DLG2: variants seen among roughly 807,000 people sequenced by gnomAD.
The protein encoded by DLG2 is discs large MAGUK scaffold protein 2.
In DLG2, 45 loss-of-function variants were observed where a neutral mutation model predicts 132.5. That is an observed-to-expected ratio of 0.34 (90% CI 0.27 to 0.44). DLG2 has a LOEUF of 0.44. Among genes scored for constraint, DLG2 ranks in the 20% least tolerant of loss-of-function variants. The pLI is 1.00. For missense variants in DLG2, 1,045 were observed against 1,196.9 expected (o/e 0.87, Z 1.87); for synonymous variants, 424 against 419.6 (o/e 1.01, Z -0.13).
rs11823655 is a variant in DLG2 at position 85,547,370 on chromosome 11, T to C, written c.40+51287A>G. Among the ~76,000 whole-genome samples the C allele has an allele frequency of 9.2e-3, 1,403 of 152,358 alleles. 19 individuals are homozygous for C. Among genetic ancestry groups the C allele is most frequent in the African/African-American group, 0.03 (1,250 of 41,582 alleles). On this transcript the variant is annotated intron_variant, in intron 3 of 27. Coordinates refer to ENST00000376104, the MANE Select transcript of DLG2 (RefSeq NM_001142699.3). ...TGCAGAGAGATCTACTGTTAGTCTA[T>C]GGGCTTCCCTTTGTGGGTAACCTGA...
chr11:83,664,702 A>G (rs1482154126), intron 18 of DLG2, among the ~76,000 whole-genome samples: 1 of 152,130 alleles, frequency 6.6e-6, no homozygotes, highest in Non-Finnish European at 1.5e-5. Context: ...AGAGTGCATC[A>G]CCCTTCCTTA....
chr11:84,781,208 T>C (rs1260039237), intron 6 of DLG2, among the ~76,000 whole-genome samples: 2 of 152,046 alleles, frequency 1.3e-5, no homozygotes, highest in Non-Finnish European at 2.9e-5. Flanking sequence ...AGTAAACAAA[T>C]AGTTTGTAGA....
At chr11:85,204,220 C>G (rs1326667495) in intron 4 of DLG2, among the ~76,000 whole-genome samples, 1 of 151,950 alleles carries the variant, frequency 6.6e-6, no homozygotes, top group Non-Finnish European at 1.5e-5. Flanking sequence ...AAAGAGCATC[C>G]AAAATGGAAA....
chr11:83,676,378 T>A (rs184863640), intron 18 of DLG2, among the ~76,000 whole-genome samples: 1 of 152,216 alleles, frequency 6.6e-6, no homozygotes, highest in African/African-American at 2.4e-5. Context: ...TCAGATCTCT[T>A]GAAGCTAGCT....
intron 21 of DLG2, among the ~76,000 whole-genome samples, chr11:83,528,618 A>G (rs1426311741): frequency 1.3e-5 from 2 of 152,116 alleles, no homozygotes; most frequent in African/African-American, 2.4e-5. Context: ...CAACAGAATC[A>G]TGTATAGTGT....
intron 6 of DLG2, among the ~76,000 whole-genome samples, chr11:84,897,568 C>T (rs766446154): frequency 1.3e-5 from 2 of 151,826 alleles, no homozygotes; most frequent in African/African-American, 2.4e-5. Context: ...CAAGAACTCA[C>T]TTATCATATA....
intron 3 of DLG2, chr11:85,286,049 G>A (rs923230959): frequency 1.2e-5 from 5 of 422,940 alleles, no homozygotes; most frequent in Non-Finnish European, 2.3e-5. Context: ...TATTACAAAT[G>A]TATAAAATAA....
intron 21 of DLG2, among the ~76,000 whole-genome samples, chr11:83,520,691 G>A (rs369248735): frequency 4.5e-5 from 2 of 44,848 alleles, no homozygotes; most frequent in South Asian, 8.1e-4. Flanking sequence ...AGGTAAGTAG[G>A]TAGGTAGATA....
At chr11:83,697,989 CT>C (rs1321973076) in intron 18 of DLG2, among the ~76,000 whole-genome samples, 1 of 152,158 alleles carries the variant, frequency 6.6e-6, no homozygotes, top group Admixed American at 6.5e-5. Context: ...CACATAGGAG[CT>C]TTTGATTACA....
At chr11:84,608,292 C>G (rs2099589356) in intron 6 of DLG2, among the ~76,000 whole-genome samples, 1 of 152,160 alleles carries the variant, frequency 6.6e-6, no homozygotes, top group Non-Finnish European at 1.5e-5. Context: ...ACAATCATAT[C>G]TGATCCTATT....
rs373187513 is a variant in DLG2, at chr11:84,716,183, G to C, written c.358-181452C>G. On this transcript the variant is annotated intron_variant, in intron 6 of 27. Coordinates refer to ENST00000376104, the MANE Select transcript of DLG2 (RefSeq NM_001142699.3). ...TTAACGATGTTGAGCACCTCTCCTT[G>C]TACCCACTGGCCATTTTAATGTCTC... Among the ~76,000 whole-genome samples the C allele has an allele frequency of 6.1e-4, 93 of 151,964 alleles. 3 individuals are homozygous for C. The South Asian group carries it at 0.019, about 32-fold the overall frequency.
rs115159726 is a variant in DLG2 at position 85,224,046 on chromosome 11, G to A, written c.186+61174C>T. ...ACCTTAGTTTTTACATCTTCAAAGT[G>A]GGAATAATTTTATTACCTACCACTT... On this transcript the variant is annotated intron_variant, in intron 4 of 27. Transcript: ENST00000376104. Among the ~76,000 whole-genome samples the A allele has an allele frequency of 4.3e-3, 659 of 152,134 alleles. 3 individuals carry two copies. Among genetic ancestry groups the A allele is most frequent in the African/African-American group, 0.015 (630 of 41,514 alleles).
At chr11:84,463,408 G>C (rs964002941) in intron 7 of DLG2, among the ~76,000 whole-genome samples, 1 of 151,108 alleles carries the variant, frequency 6.6e-6, no homozygotes, top group African/African-American at 2.4e-5. Context: ...GCTATCTCAA[G>C]AAAAGGCCTC....
chr11:84,733,173 G>A (rs2063373085), intron 6 of DLG2, among the ~76,000 whole-genome samples: 1 of 152,140 alleles, frequency 6.6e-6, no homozygotes, highest in Admixed American at 6.5e-5. Context: ...GGATTGCTGG[G>A]TCAAATGGTA....
chr11:85,457,098 C>G (rs530093883), intron 3 of DLG2, among the ~76,000 whole-genome samples: 16 of 151,958 alleles, frequency 1.1e-4, no homozygotes, highest in African/African-American at 2.4e-4. Context: ...AATCCAGGCA[C>G]TCCTGTGTTA....
intron 3 of DLG2, among the ~76,000 whole-genome samples, chr11:85,308,289 C>G (rs806064): frequency 6.7e-6 from 1 of 150,052 alleles, no homozygotes; most frequent in African/African-American, 2.4e-5. Flanking sequence ...AAAAAAAAAA[C>G]TGACCCACAA....
chr11:85,419,807 T>C (rs1017346726), intron 3 of DLG2, among the ~76,000 whole-genome samples: 1 of 152,248 alleles, frequency 6.6e-6, no homozygotes, highest in Non-Finnish European at 1.5e-5. Context: ...TCCTCTCAAC[T>C]GGTTATTCTA....
chr11:84,101,889 T>C (rs1237275489), intron 9 of DLG2, among the ~76,000 whole-genome samples: 1 of 152,168 alleles, frequency 6.6e-6, no homozygotes, highest in Non-Finnish European at 1.5e-5. Flanking sequence ...CAAAACTTTG[T>C]CCTGTGAGAA....
At chr11:84,774,031 A>G (rs2069923192) in intron 6 of DLG2, among the ~76,000 whole-genome samples, 1 of 152,200 alleles carries the variant, frequency 6.6e-6, no homozygotes, top group African/African-American at 2.4e-5. Flanking sequence ...TATCCCAGGA[A>G]TACCCTAAAG....
Sources: gnomAD v4.1 joint callset for allele counts (sites outside exome capture counted in the v4.1 genomes callset) on GRCh38, gnomAD v4.1.1 for gene constraint, MANE v1.5 for transcripts, NCBI Gene and HGNC (gene_info 2026-07-23, HGNC 2026-07-21) for gene names.